The following ZMAT4 variants were observed in gnomAD, a reference collection of about 807,000 sequenced individuals.
The protein encoded by ZMAT4 is zinc finger matrin-type protein 4.
ZMAT4 carries 17 observed loss-of-function variants against 28.7 expected under a neutral mutation model. That is an observed-to-expected ratio of 0.59 (90% CI 0.41 to 0.89). ZMAT4 has a LOEUF of 0.89. Among genes scored for constraint, ZMAT4 ranks in the 40% least tolerant of loss-of-function variants. The probability of loss-of-function intolerance (pLI) is 0.00; values close to 1 mark genes in which losing one functional copy is unlikely to be tolerated. For missense variants in ZMAT4, 240 were observed against 283.8 expected, an observed-to-expected ratio of 0.85 and a Z score of 1.11; for synonymous variants, 117 against 109.2, an observed-to-expected ratio of 1.07 and a Z score of -0.44.
At chr8:40,778,360 A>C (rs1185323002) in intron 2 of ZMAT4, among the ~76,000 whole-genome samples, 1 of 152,242 alleles carries the variant, frequency 6.6e-6, no homozygotes, top group South Asian at 2.1e-4. Flanking sequence ...TCAGTGTAAA[A>C]TAATGTGCAC....
intron 5 of ZMAT4, among the ~76,000 whole-genome samples, chr8:40,658,851 T>C (rs1017607955): frequency 1.3e-5 from 2 of 152,166 alleles, no homozygotes; most frequent in African/African-American, 4.8e-5. Flanking sequence ...ACTGGAAAAC[T>C]CACTCAATGT....
chr8:40,761,895 C>T (rs898276535), intron 3 of ZMAT4, among the ~76,000 whole-genome samples: 6 of 152,288 alleles, frequency 3.9e-5, no homozygotes, highest in African/African-American at 1.4e-4. Flanking sequence ...AATTATATTG[C>T]TTGATTATAA....
intron 5 of ZMAT4, among the ~76,000 whole-genome samples, chr8:40,607,314 G>T (rs559883629): frequency 5.9e-5 from 9 of 151,572 alleles, no homozygotes; most frequent in African/African-American, 1.7e-4. Flanking sequence ...TTAAATACAC[G>T]GTGAGACGGG....
rs1050869764 is a variant in ZMAT4, at chr8:40,651,497, A to C, written c.577+23207T>G. ...AAATCAATATCGTGAAAATGGCCAT[A>C]CTGCCCAAGGTAATTTACAGATTCA... On this transcript the variant is annotated intron_variant, in intron 5 of 6. Transcript: ENST00000297737. Among the ~76,000 whole-genome samples the C allele has an allele frequency of 2.0e-5, 3 of 150,444 alleles. No individual in the cohort carries two copies. In the Admixed American group the frequency reaches 2.0e-4, roughly 10 times the overall value.
chr8:40,569,960 T>C (rs1804040997), intron 6 of ZMAT4, among the ~76,000 whole-genome samples: 1 of 152,154 alleles, frequency 6.6e-6, no homozygotes, highest in South Asian at 2.1e-4. Context: ...TTGGAATTGA[T>C]TGGAACCTTG....
chr8:40,620,577 C>A (rs2599693), intron 5 of ZMAT4, among the ~76,000 whole-genome samples: 30,659 of 152,202 alleles, frequency 0.2, 3,705 homozygotes, highest in South Asian at 0.27. Context: ...TTTTGAGATG[C>A]TCTCGATGTA....
chr8:40,576,771 C>A (rs1233629454), intron 6 of ZMAT4, among the ~76,000 whole-genome samples: 1 of 152,100 alleles, frequency 6.6e-6, no homozygotes, highest in East Asian at 1.9e-4. Flanking sequence ...AGGAATCAAA[C>A]CTTATCACTA....
At chr8:40,812,548 A>G (rs1442610779) in intron 2 of ZMAT4, among the ~76,000 whole-genome samples, 1 of 152,242 alleles carries the variant, frequency 6.6e-6, no homozygotes, top group Non-Finnish European at 1.5e-5. Context: ...AAAATATAAC[A>G]TGGAATCCTG....
At chr8:40,547,916 A>G (rs1304925186) in intron 6 of ZMAT4, among the ~76,000 whole-genome samples, 1 of 152,224 alleles carries the variant, frequency 6.6e-6, no homozygotes. Context: ...AGTGTTATGA[A>G]GGATGCGGAA....
At chr8:40,852,545 A>G (rs981673075) in intron 1 of ZMAT4, among the ~76,000 whole-genome samples, 2 of 152,206 alleles carry the variant, frequency 1.3e-5, no homozygotes, top group African/African-American at 4.8e-5. Flanking sequence ...GGGAAGCTTT[A>G]ATAGCCTTAT....
chr8:40,863,776 T>C (rs191831369), intron 1 of ZMAT4, among the ~76,000 whole-genome samples: 3 of 152,286 alleles, frequency 2.0e-5, no homozygotes, highest in Admixed American at 2.0e-4. Flanking sequence ...TTTCATGAGA[T>C]ACCAATTATG....
chr8:40,703,135 A>T (rs75457074), intron 3 of ZMAT4, among the ~76,000 whole-genome samples: 6,916 of 152,294 alleles, frequency 0.045, 294 homozygotes, highest in East Asian at 0.24. Flanking sequence ...CCTGAATTTT[A>T]CTTAGAAGCA....
intron 2 of ZMAT4, among the ~76,000 whole-genome samples, chr8:40,795,846 G>A (rs1352159426): frequency 1.3e-5 from 2 of 152,292 alleles, no homozygotes; most frequent in Non-Finnish European, 2.9e-5. Context: ...ATAGCATTTA[G>A]CCAAGACACT....
intron 1 of ZMAT4, among the ~76,000 whole-genome samples, chr8:40,858,066 A>G (rs1393538534): frequency 6.6e-6 from 1 of 152,192 alleles, no homozygotes; most frequent in African/African-American, 2.4e-5. Flanking sequence ...ATTTGGGTGG[A>G]GGGAATACAA....
rs994867933 is a variant in ZMAT4 at position 40,825,423 on chromosome 8, TG to T, written c.102+151del. The T allele has an allele frequency of 9.8e-6, 6 of 609,792 alleles. No homozygotes were observed. The Admixed American group carries it at 1.4e-4, about 15-fold the overall frequency. The allele number at this position is 609,792 out of a possible 1,614,324, so 37.8% of individuals were successfully genotyped here. Reference sequence around the variant, plus strand: ...ACTCCCAACCCCACACATATACACTTGTCCTGGCCTTGACCTCAGACTGTAC... The same window carrying T: ...ACTCCCAACCCCACACATATACACTTTCCTGGCCTTGACCTCAGACTGTAC... On this transcript the variant is annotated intron_variant, in intron 2 of 6. Coordinates refer to ENST00000297737, the MANE Select transcript of ZMAT4 (RefSeq NM_024645.3).
chr8:40,577,871 G>A (rs1585707763), intron 6 of ZMAT4, among the ~76,000 whole-genome samples: 1 of 151,420 alleles, frequency 6.6e-6, no homozygotes, highest in Non-Finnish European at 1.5e-5. Flanking sequence ...AAATTCTTAG[G>A]AATAAATCTA....
chr8:40,823,190 A>G lies in ZMAT4; in HGVS notation c.102+2385T>C, dbSNP rs562724049. ...GTCATGGGCAGGCACTATTCCAGCA[A>G]TTACGAAAGATCAAATGAATAAAAC... is the stretch of plus-strand genomic sequence containing the variant. On this transcript the variant is annotated intron_variant, in intron 2 of 6. Transcript: ENST00000297737. Among the ~76,000 whole-genome samples the G allele has an allele frequency of 2.0e-5, 3 of 152,260 alleles. No homozygotes were observed. The East Asian group carries it at 5.8e-4, about 29-fold the overall frequency.
At chr8:40,859,387 G>A (rs1422747614) in intron 1 of ZMAT4, among the ~76,000 whole-genome samples, 1 of 152,158 alleles carries the variant, frequency 6.6e-6, no homozygotes, top group Admixed American at 6.5e-5. Flanking sequence ...TGACAGGAGT[G>A]CATGTATGGA....
At chr8:40,880,852 C>A (rs1281085491) in intron 1 of ZMAT4, among the ~76,000 whole-genome samples, 1 of 152,068 alleles carries the variant, frequency 6.6e-6, no homozygotes, top group African/African-American at 2.4e-5. Context: ...GTGGAAAACA[C>A]CCCCCAGAAT....
Sources: gnomAD v4.1 joint callset for allele counts (sites outside exome capture counted in the v4.1 genomes callset) on GRCh38, gnomAD v4.1.1 for gene constraint, MANE v1.5 for transcripts, NCBI Gene and HGNC (gene_info 2026-07-23, HGNC 2026-07-21) for gene names.